The following SOCS2 variants were observed in gnomAD, a reference collection of about 807,000 sequenced individuals.
SOCS2 encodes suppressor of cytokine signaling 2.
Under a neutral mutation model 18.6 loss-of-function variants are expected in SOCS2, and 10 were observed. That is an observed-to-expected ratio of 0.54 (90% CI 0.33 to 0.91). The LOEUF (loss-of-function observed/expected upper bound fraction) is 0.91. SOCS2 is among the 40% of genes least tolerant of loss of function. The probability of loss-of-function intolerance (pLI) is 0.02; values close to 1 mark genes in which losing one functional copy is unlikely to be tolerated. For missense variants in SOCS2, 231 were observed against 247.2 expected, an observed-to-expected ratio of 0.93 and a Z score of 0.44; for synonymous variants, 104 against 104.0, an observed-to-expected ratio of 1.00 and a Z score of 0.00.
At position 93,582,170 on chromosome 12, in the gene SOCS2, T is replaced by C. The variant is rs931349247; in HGVS notation, c.117-853T>C. 2.6e-5 allele frequency among the ~76,000 whole-genome samples: 4 copies of C among 152,184 alleles called. No homozygotes were observed. In the East Asian group the frequency reaches 5.8e-4, roughly 22 times the overall value. On this transcript the variant is annotated intron_variant, in intron 1 of 1. Coordinates refer to the SOCS2 transcript ENST00000549510. ...AAGGTATCTTGTGTCTGAGTGTTAA[T>C]AGACTGGAAGGAGTCCTCAGACCTG... is the stretch of plus-strand genomic sequence containing the variant.
chr12:93,625,603 C>T, the SOCS2 span, among the ~76,000 whole-genome samples: 2 of 151,918 alleles, frequency 1.3e-5, no homozygotes, highest in Non-Finnish European at 1.5e-5. Flanking sequence ...CAAAAATTAG[C>T]TGGGTGTGGT....
At chr12:93,605,930 G>T in the SOCS2 span, among the ~76,000 whole-genome samples, 4 of 152,300 alleles carry the variant, frequency 2.6e-5, no homozygotes, top group South Asian at 8.3e-4. Context: ...AGTTTCATAT[G>T]CCTGAACAGA....
At chr12:93,577,163 C>T (rs1331545156), downstream of SOCS2, among the ~76,000 whole-genome samples, 1 of 152,094 alleles carries the variant, frequency 6.6e-6, no homozygotes, top group African/African-American at 2.4e-5. Context: ...GCATGAGTAC[C>T]TGTGAAATTG....
At chr12:93,593,402 A>C in the SOCS2 span, among the ~76,000 whole-genome samples, 1 of 152,236 alleles carries the variant, frequency 6.6e-6, no homozygotes, top group Non-Finnish European at 1.5e-5. Flanking sequence ...GCTCAGCCTG[A>C]GATACTGGAA....
At chr12:93,616,822 G>A in the SOCS2 span, among the ~76,000 whole-genome samples, 4 of 152,182 alleles carry the variant, frequency 2.6e-5, no homozygotes, top group African/African-American at 7.2e-5. Flanking sequence ...AAGAATTGGC[G>A]GGCAGGAGAT....
At chr12:93,571,826 TC>T, upstream of SOCS2, 1 of 175,192 alleles carries the variant, frequency 5.7e-6, no homozygotes, top group Non-Finnish European at 1.1e-5. Flanking sequence ...CCCTCCCACC[TC>T]CCCTTTTCCC....
At chr12:93,604,963 G>C in the SOCS2 span, among the ~76,000 whole-genome samples, 1 of 148,424 alleles carries the variant, frequency 6.7e-6, no homozygotes, top group Non-Finnish European at 1.5e-5. Flanking sequence ...TGCCGGCCTG[G>C]ATTTTTTTTT....
chr12:93,587,123 G>A (rs1358545637), downstream of SOCS2, among the ~76,000 whole-genome samples: 1 of 152,136 alleles, frequency 6.6e-6, no homozygotes, highest in Non-Finnish European at 1.5e-5. Flanking sequence ...TGCTGAGATG[G>A]CACCACTGCA....
chr12:93,592,280 A>G, the SOCS2 span, among the ~76,000 whole-genome samples: 1 of 152,300 alleles, frequency 6.6e-6, no homozygotes, highest in Admixed American at 6.5e-5. Flanking sequence ...TTCTCTCTAT[A>G]TATCTATTTA....
chr12:93,597,625 G>A, the SOCS2 span, among the ~76,000 whole-genome samples: 2 of 152,116 alleles, frequency 1.3e-5, no homozygotes, highest in South Asian at 4.1e-4. Context: ...CTCAAATCTC[G>A]CTTTTAAAAA....
chr12:93,624,944 C>T, the SOCS2 span, among the ~76,000 whole-genome samples: 1 of 152,224 alleles, frequency 6.6e-6, no homozygotes, highest in Non-Finnish European at 1.5e-5. Context: ...CCTGTTCTTT[C>T]TCGACTATAC....
chr12:93,577,410 T>C (rs1413221656), downstream of SOCS2, among the ~76,000 whole-genome samples: 3 of 152,216 alleles, frequency 2.0e-5, no homozygotes, highest in Admixed American at 2.0e-4. Context: ...TCAGCACTTG[T>C]ATTATCTCAT....
the SOCS2 span, among the ~76,000 whole-genome samples, chr12:93,608,126 C>T: frequency 6.6e-6 from 1 of 151,114 alleles, no homozygotes; most frequent in Non-Finnish European, 1.5e-5. Context: ...TCAAACTCCT[C>T]AAACTCCATG....
chr12:93,582,156 T>C (rs563067940), intron 1 of SOCS2, among the ~76,000 whole-genome samples: 2 of 152,326 alleles, frequency 1.3e-5, no homozygotes, highest in South Asian at 4.1e-4. Context: ...AGGTATCTTG[T>C]GTCTGAGTGT....
At chr12:93,573,151 T>C (rs1055231859) in intron 1 of SOCS2, 115 bp downstream of exon 1, 1 of 1,328,382 alleles carries the variant, frequency 7.5e-7, no homozygotes, top group African/African-American at 1.5e-5. Context: ...GTCCCTTGCT[T>C]CCAAGGGACC....
At chr12:93,614,482 T>TC in the SOCS2 span, among the ~76,000 whole-genome samples, 15 of 20,326 alleles carry the variant, frequency 7.4e-4, no homozygotes, top group East Asian at 6.8e-3. Flanking sequence ...TTCCTTCCTT[T>TC]CCTTCCTTCC....
chr12:93,572,524 C>G, upstream of SOCS2: 2 of 422,480 alleles, frequency 4.7e-6, no homozygotes, highest in South Asian at 2.0e-5. The surrounding 1 kb of genome is among the most constrained non-coding windows in gnomAD (Gnocchi z 5.0). Context: ...TATCTTTTCT[C>G]TAGAGCTGGG....
the SOCS2 span, among the ~76,000 whole-genome samples, chr12:93,625,042 G>C: frequency 6.6e-6 from 1 of 152,202 alleles, no homozygotes; most frequent in Non-Finnish European, 1.5e-5. Flanking sequence ...TCAGTGGCAA[G>C]TGAAGACCCC....
the SOCS2 span, among the ~76,000 whole-genome samples, chr12:93,597,596 G>A: frequency 2.3e-4 from 35 of 152,312 alleles, no homozygotes; most frequent in Non-Finnish European, 3.8e-4. Flanking sequence ...GATTACAGGT[G>A]TGAGCCGCCA....
Sources: allele counts gnomAD v4.1 joint callset (sites outside exome capture counted in the v4.1 genomes callset), GRCh38; gene constraint gnomAD v4.1.1; non-coding constraint Gnocchi (gnomAD v3.1); transcripts MANE v1.5; gene names NCBI Gene and HGNC (gene_info 2026-07-23, HGNC 2026-07-21).